The following EPHA6 variants were observed in gnomAD, a reference collection of about 807,000 sequenced individuals.
EPHA6 encodes ephrin type-A receptor 6.
A neutral mutation model predicts 112.0 loss-of-function variants in EPHA6; 50 were observed. The observed-to-expected ratio is 0.45, with a 90% CI of 0.36 to 0.56. The LOEUF (loss-of-function observed/expected upper bound fraction) is 0.56. Among genes scored for constraint, EPHA6 ranks in the 20% least tolerant of loss-of-function variants. The probability of loss-of-function intolerance (pLI) is 0.00; values close to 1 mark genes in which losing one functional copy is unlikely to be tolerated. For synonymous variants in EPHA6, 529 were observed against 490.7 expected (o/e 1.08, Z -1.03); for missense variants, 1,280 against 1,417.4 (o/e 0.90, Z 1.56).
At chr3:96,934,528 A>G (rs2040485858) in intron 2 of EPHA6, among the ~76,000 whole-genome samples, 1 of 151,632 alleles carries the variant, frequency 6.6e-6, no homozygotes. Flanking sequence ...AAAATATAGT[A>G]AGCAGAACTA....
At chr3:96,899,684 T>A (rs1234730120) in intron 2 of EPHA6, among the ~76,000 whole-genome samples, 1 of 152,196 alleles carries the variant, frequency 6.6e-6, no homozygotes, top group African/African-American at 2.4e-5. Flanking sequence ...TAGTTATATA[T>A]TGGTAAAACA....
At chr3:97,291,393 T>G (rs2108686046) in intron 5 of EPHA6, among the ~76,000 whole-genome samples, 1 of 152,256 alleles carries the variant, frequency 6.6e-6, no homozygotes, top group East Asian at 1.9e-4. Flanking sequence ...CCTCTGGTCA[T>G]TGTTTCTTTG....
At chr3:97,133,054 G>C (rs1036550031) in intron 3 of EPHA6, among the ~76,000 whole-genome samples, 2 of 152,046 alleles carry the variant, frequency 1.3e-5, no homozygotes, top group African/African-American at 4.8e-5. Flanking sequence ...ATAAATGACA[G>C]AATGGAAAGT....
rs1300295937 is a variant in EPHA6, at chr3:97,748,779, A to G, written c.*78A>G. The G allele has an allele frequency of 1.3e-6, 1 of 777,498 alleles. No individual in the cohort carries two copies. Among genetic ancestry groups the G allele is most frequent in the African/African-American group, 1.7e-5 (1 of 58,750 alleles). The allele number at this position is 777,498 out of a possible 1,614,324, so 48.2% of individuals were successfully genotyped here. ...ATCCTCTCTACTACTCTCTCTTCTG[A>G]TTCTCCAAACATCACTTCACAAACT... On this transcript the variant is annotated 3_prime_UTR_variant, in exon 18 of 18. Coordinates refer to ENST00000389672, the MANE Select transcript of EPHA6 (RefSeq NM_001080448.3).
intron 4 of EPHA6, among the ~76,000 whole-genome samples, chr3:97,236,776 C>T (rs959641345): frequency 8.5e-5 from 13 of 152,162 alleles, no homozygotes; most frequent in Admixed American, 6.6e-4. Flanking sequence ...TTCTTTAGTG[C>T]TGGAATAATT....
At chr3:97,171,309 GAGA>G (rs1477837820) in intron 3 of EPHA6, among the ~76,000 whole-genome samples, 1 of 152,136 alleles carries the variant, frequency 6.6e-6, no homozygotes, top group Non-Finnish European at 1.5e-5. Context: ...TGAAAAGTGT[GAGA>G]AGAAGATAAA....
chr3:97,278,847 G>A (rs2080188789), intron 5 of EPHA6, among the ~76,000 whole-genome samples: 1 of 152,162 alleles, frequency 6.6e-6, no homozygotes. Context: ...TTTTGACTCA[G>A]ACTCCTCCTC....
At chr3:97,371,949 G>T (rs1193062680) in intron 5 of EPHA6, among the ~76,000 whole-genome samples, 2 of 152,110 alleles carry the variant, frequency 1.3e-5, no homozygotes, top group East Asian at 3.9e-4. Context: ...CAGAACGGTT[G>T]TCTGCTCTCA....
At chr3:97,564,621 A>G (rs149257333) in intron 11 of EPHA6, among the ~76,000 whole-genome samples, 2 of 152,334 alleles carry the variant, frequency 1.3e-5, no homozygotes, top group Admixed American at 6.5e-5. Flanking sequence ...AGATCATGAC[A>G]CAAATTGCCA....
chr3:97,507,313 C>G (rs557939186), intron 10 of EPHA6, among the ~76,000 whole-genome samples: 51 of 152,218 alleles, frequency 3.4e-4, no homozygotes, highest in African/African-American at 1.2e-3. Flanking sequence ...TCATAAATAG[C>G]TCTTATTATT....
chr3:96,953,923 A>G (rs983244274), intron 2 of EPHA6, among the ~76,000 whole-genome samples: 1 of 151,490 alleles, frequency 6.6e-6, no homozygotes, highest in Non-Finnish European at 1.5e-5. Context: ...CTCAGGCTGG[A>G]GTGCAGTGGC....
intron 3 of EPHA6, among the ~76,000 whole-genome samples, chr3:97,027,766 TA>T (rs1553690737): frequency 1.3e-5 from 2 of 152,192 alleles, no homozygotes; most frequent in African/African-American, 2.4e-5. Context: ...TACTGCCTTT[TA>T]AAAAAATGTC....
At chr3:97,265,867 C>T (rs527783951) in intron 5 of EPHA6, among the ~76,000 whole-genome samples, 2 of 152,188 alleles carry the variant, frequency 1.3e-5, no homozygotes, top group Non-Finnish European at 1.5e-5. Context: ...CTAGACAATA[C>T]GTAAATGAGT....
At chr3:97,331,633 G>A (rs1025577891) in intron 5 of EPHA6, among the ~76,000 whole-genome samples, 5 of 152,020 alleles carry the variant, frequency 3.3e-5, no homozygotes, top group East Asian at 1.9e-4. Context: ...GCAAATAAAC[G>A]AGAGAATCTA....
intron 5 of EPHA6, among the ~76,000 whole-genome samples, chr3:97,301,182 G>A (rs2081077435): frequency 6.6e-6 from 1 of 152,100 alleles, no homozygotes; most frequent in African/African-American, 2.4e-5. Context: ...AAAAAAGAGA[G>A]AATGAGAAAT....
intron 1 of EPHA6, among the ~76,000 whole-genome samples, chr3:96,860,608 G>C (rs1292175155): frequency 1.3e-5 from 2 of 152,080 alleles, no homozygotes; most frequent in African/African-American, 4.8e-5. Flanking sequence ...AGAAAGGTTA[G>C]AACTAGAAAG....
chr3:97,185,269 T>A (rs999547277), intron 3 of EPHA6, among the ~76,000 whole-genome samples: 7 of 151,834 alleles, frequency 4.6e-5, no homozygotes, highest in African/African-American at 1.7e-4. Context: ...ACCATCAGAG[T>A]GAACAGGCAA....
At chr3:97,384,927 A>C (rs2085973113) in intron 5 of EPHA6, among the ~76,000 whole-genome samples, 1 of 152,170 alleles carries the variant, frequency 6.6e-6, no homozygotes, top group Non-Finnish European at 1.5e-5. Flanking sequence ...TGAGTGTTTA[A>C]AAACTAGCTC....
At chr3:96,875,846 C>T (rs2036911884) in intron 2 of EPHA6, among the ~76,000 whole-genome samples, 1 of 151,402 alleles carries the variant, frequency 6.6e-6, no homozygotes, top group African/African-American at 2.4e-5. Context: ...TATTTTTATT[C>T]ATTTTATCTT....
Sources: gnomAD v4.1 joint callset for allele counts (sites outside exome capture counted in the v4.1 genomes callset) on GRCh38, gnomAD v4.1.1 for gene constraint, MANE v1.5 for transcripts, NCBI Gene and HGNC (gene_info 2026-07-23, HGNC 2026-07-21) for gene names.